ZNF804A: variants seen among roughly 807,000 people sequenced by gnomAD.
ZNF804A encodes zinc finger protein 804A.
A neutral mutation model predicts 16.5 loss-of-function variants in ZNF804A; 2 were observed. The observed-to-expected ratio is 0.12, with a 90% CI of 0.05 to 0.38. The LOEUF is 0.38. Among genes scored for constraint, ZNF804A ranks in the 10% least tolerant of loss-of-function variants. The pLI, the probability that ZNF804A is intolerant of heterozygous loss-of-function variation, is 0.99. For synonymous variants in ZNF804A, 534 were observed against 489.6 expected (o/e 1.09, Z -1.20); for missense variants, 1,473 against 1,390.7 (o/e 1.06, Z -0.94).
At chr2:184,783,807 A>G (rs944374863) in intron 1 of ZNF804A, among the ~76,000 whole-genome samples, 2 of 151,948 alleles carry the variant, frequency 1.3e-5, no homozygotes, top group Non-Finnish European at 2.9e-5. Flanking sequence ...AATAGATGAC[A>G]TCACTATTGT....
chr2:184,889,058 A>T (rs1684942405), intron 2 of ZNF804A, among the ~76,000 whole-genome samples: 1 of 151,976 alleles, frequency 6.6e-6, no homozygotes, highest in African/African-American at 2.4e-5. Flanking sequence ...CCTCCACATT[A>T]TTCACTCCAA....
rs186361488 is a variant in ZNF804A at position 184,771,940 on chromosome 2, G to C, written c.112-94429G>C. Among the ~76,000 whole-genome samples the C allele has an allele frequency of 3.9e-5, 6 of 152,002 alleles. No individual in the cohort carries two copies. In the East Asian group the frequency reaches 5.8e-4, roughly 15 times the overall value. On this transcript the variant is annotated intron_variant, in intron 1 of 3. Transcript: ENST00000302277. ...CTATCACCTTTGTCATATTCTACTG[G>C]GTATAAGCAAGGTAAATGTCTCACT...
intron 1 of ZNF804A, among the ~76,000 whole-genome samples, chr2:184,852,461 A>G (rs1379100309): frequency 7.8e-6 from 1 of 128,956 alleles, no homozygotes; most frequent in Admixed American, 7.8e-5. Flanking sequence ...TCATTTGACT[A>G]TGCTTTTTTT....
At chr2:184,860,398 C>G (rs1308965535) in intron 1 of ZNF804A, among the ~76,000 whole-genome samples, 1 of 152,216 alleles carries the variant, frequency 6.6e-6, no homozygotes, top group Non-Finnish European at 1.5e-5. Flanking sequence ...GACTTGAAGT[C>G]TAGGACCACA....
At chr2:184,843,005 T>C (rs1322782284) in intron 1 of ZNF804A, among the ~76,000 whole-genome samples, 2 of 152,158 alleles carry the variant, frequency 1.3e-5, no homozygotes, top group Non-Finnish European at 2.9e-5. Context: ...TGCCCTTTAC[T>C]TAAAACCCCT....
chr2:184,651,949 C>T (rs1691990706), intron 1 of ZNF804A, among the ~76,000 whole-genome samples: 1 of 151,640 alleles, frequency 6.6e-6, no homozygotes. Flanking sequence ...GATGTATATC[C>T]AAAAGAAAAG....
chr2:184,681,900 C>G (rs890983323), intron 1 of ZNF804A, among the ~76,000 whole-genome samples: 1 of 152,258 alleles, frequency 6.6e-6, no homozygotes, highest in African/African-American at 2.4e-5. Flanking sequence ...CTCTCGCTCC[C>G]TGGCCTCTAC....
At chr2:184,815,093 A>G (rs545797777) in intron 1 of ZNF804A, among the ~76,000 whole-genome samples, 4 of 152,168 alleles carry the variant, frequency 2.6e-5, no homozygotes, top group Non-Finnish European at 1.5e-5. Flanking sequence ...TTTCTCATGA[A>G]TGTTAGTGCT....
intron 2 of ZNF804A, among the ~76,000 whole-genome samples, chr2:184,889,033 T>C (rs1380802161): frequency 1.1e-4 from 17 of 152,112 alleles, no homozygotes; most frequent in Admixed American, 1.1e-3. Context: ...ATATTTTAGA[T>C]AGACATCATT....
chr2:184,645,854 A>G (rs1416183455), intron 1 of ZNF804A, among the ~76,000 whole-genome samples: 1 of 152,220 alleles, frequency 6.6e-6, no homozygotes, highest in Non-Finnish European at 1.5e-5. Flanking sequence ...AATAGTTCCC[A>G]TAAAGATGTG....
chr2:184,828,609 C>G (rs1695209800), intron 1 of ZNF804A, among the ~76,000 whole-genome samples: 1 of 151,014 alleles, frequency 6.6e-6, no homozygotes, highest in Non-Finnish European at 1.5e-5. Flanking sequence ...TGTTGGTAAA[C>G]TTTATAATTT....
intron 1 of ZNF804A, among the ~76,000 whole-genome samples, chr2:184,661,596 G>A (rs1467512544): frequency 6.6e-6 from 1 of 152,154 alleles, no homozygotes; most frequent in Non-Finnish European, 1.5e-5. Context: ...CTTGGAAAAA[G>A]CACCATTCAA....
At chr2:184,669,360 T>C (rs2105711331) in intron 1 of ZNF804A, among the ~76,000 whole-genome samples, 1 of 152,186 alleles carries the variant, frequency 6.6e-6, no homozygotes. Flanking sequence ...TGATTGTAGG[T>C]TCTGAAAGAA....
At chr2:184,910,563 A>G (rs1685339280) in intron 2 of ZNF804A, among the ~76,000 whole-genome samples, 1 of 152,124 alleles carries the variant, frequency 6.6e-6, no homozygotes, top group Non-Finnish European at 1.5e-5. Context: ...TGTTTTCCAC[A>G]GTAGCTGAGC....
At chr2:184,817,938 G>A (rs186590239) in intron 1 of ZNF804A, among the ~76,000 whole-genome samples, 18 of 152,096 alleles carry the variant, frequency 1.2e-4, no homozygotes, top group Admixed American at 3.3e-4. Flanking sequence ...ACAGATTGGG[G>A]TACCTGAAAG....
At chr2:184,800,656 A>G (rs920762127) in intron 1 of ZNF804A, among the ~76,000 whole-genome samples, 38 of 151,626 alleles carry the variant, frequency 2.5e-4, no homozygotes, top group African/African-American at 8.9e-4. Flanking sequence ...TTTATTTTTT[A>G]GAGTTCGTAA....
Position 184,893,500 on chromosome 2 carries a change from T to G in ZNF804A, c.255+26988T>G, listed in dbSNP as rs368078892. ...CAAATTGCTAGGATCATTATATACA[T>G]CAAATGTTAAATTTTCAAATGCAAG... is the stretch of plus-strand genomic sequence containing the variant. On this transcript the variant is annotated intron_variant, in intron 2 of 3. Coordinates refer to ENST00000302277, the MANE Select transcript of ZNF804A (RefSeq NM_194250.2). Among the ~76,000 whole-genome samples the G allele has an allele frequency of 6.0e-3, 916 of 151,644 alleles. 9 individuals are homozygous for G. In the Middle Eastern group the frequency reaches 0.065, roughly 11 times the overall value.
chr2:184,664,236 T>A (rs1692222967), intron 1 of ZNF804A, among the ~76,000 whole-genome samples: 1 of 152,078 alleles, frequency 6.6e-6, no homozygotes, highest in Non-Finnish European at 1.5e-5. Context: ...CTTAAGTAAA[T>A]CAATGGAAAT....
intron 1 of ZNF804A, among the ~76,000 whole-genome samples, chr2:184,722,013 A>G (rs1375273920): frequency 1.3e-5 from 2 of 152,070 alleles, no homozygotes; most frequent in African/African-American, 4.8e-5. Context: ...GTTCTTATTC[A>G]TACGTGGGAG....
Sources: allele counts gnomAD v4.1 joint callset (sites outside exome capture counted in the v4.1 genomes callset), GRCh38; gene constraint gnomAD v4.1.1; transcripts MANE v1.5; gene names NCBI Gene and HGNC (gene_info 2026-07-23, HGNC 2026-07-21).